SLX4IP: variants seen among roughly 807,000 people sequenced by gnomAD.
SLX4IP encodes the protein SLX4 interacting protein.
SLX4IP carries 34 observed loss-of-function variants against 32.9 expected under a neutral mutation model. The observed-to-expected ratio is 1.03, with a 90% CI of 0.79 to 1.38. SLX4IP has a LOEUF of 1.38. Among genes scored for constraint, SLX4IP ranks in the 40% most tolerant of loss-of-function variants. SLX4IP has a pLI of 0.00. For missense variants in SLX4IP, 444 were observed against 479.0 expected (o/e 0.93, Z 0.68); for synonymous variants, 172 against 171.7 (o/e 1.00, Z -0.01).
intron 4 of SLX4IP, among the ~76,000 whole-genome samples, chr20:10,589,743 A>T (rs2066684736): frequency 6.6e-6 from 1 of 152,172 alleles, no homozygotes; most frequent in African/African-American, 2.4e-5. Flanking sequence ...TCATCATATG[A>T]TTTCGTTTTT....
intron 4 of SLX4IP, among the ~76,000 whole-genome samples, chr20:10,561,776 T>C (rs1464287119): frequency 6.6e-6 from 1 of 152,214 alleles, no homozygotes; most frequent in African/African-American, 2.4e-5. Context: ...CCTGAGTTAC[T>C]TCACTTAGAA....
rs6040001 is a variant in SLX4IP at position 10,517,184 on chromosome 20, G to C, written c.28-39047G>C. ...TCTTACTGGTTCTTTGTTTCCATAG[G>C]TACCATACCAGAAAGACTGTCATCA... On this transcript the variant is annotated intron_variant, in intron 2 of 7. Transcript: ENST00000334534. 5.5e-4 allele frequency among the ~76,000 whole-genome samples: 83 copies of C among 151,646 alleles called. No homozygotes were observed. In the Middle Eastern group the frequency reaches 0.014, roughly 25 times the overall value.
chr20:10,592,484 T>C lies in SLX4IP; in HGVS notation c.239-6191T>C, dbSNP rs187661296. On this transcript the variant is annotated intron_variant, in intron 4 of 7. Transcript: ENST00000334534. ...GTTTGAAGTGACAGCATCAAACTCA[T>C]GATTTCCCTACCCTTTCTACCCTAG... Among the ~76,000 whole-genome samples, 5 of 152,236 alleles carry C rather than the reference T, an allele frequency of 3.3e-5. No individual in the cohort carries two copies. The East Asian group carries it at 9.7e-4, about 29-fold the overall frequency.
intron 1 of SLX4IP, among the ~76,000 whole-genome samples, chr20:10,451,962 C>T (rs1456026641): frequency 1.3e-5 from 2 of 151,790 alleles, no homozygotes; most frequent in Middle Eastern, 3.2e-3. Flanking sequence ...AGTGAGACAC[C>T]GTCTCAAAAA....
At chr20:10,438,260 G>A (rs1333382693) in intron 1 of SLX4IP, among the ~76,000 whole-genome samples, 1 of 151,178 alleles carries the variant, frequency 6.6e-6, no homozygotes, top group South Asian at 2.1e-4. Flanking sequence ...CTTTATTGAG[G>A]TATAACTGTT....
chr20:10,566,934 T>C (rs1036198952), intron 4 of SLX4IP, among the ~76,000 whole-genome samples: 8 of 152,134 alleles, frequency 5.3e-5, no homozygotes, highest in Non-Finnish European at 1.0e-4. Flanking sequence ...AGATAAGGCA[T>C]TGGCTCCTCT....
At chr20:10,467,835 A>G (rs1354025253) in intron 2 of SLX4IP, among the ~76,000 whole-genome samples, 2 of 152,176 alleles carry the variant, frequency 1.3e-5, no homozygotes, top group East Asian at 1.9e-4. Flanking sequence ...TTTGAAACAA[A>G]GTTCTTGGAC....
At chr20:10,478,119 G>A (rs674581) in intron 2 of SLX4IP, among the ~76,000 whole-genome samples, 31,295 of 151,776 alleles carry the variant, frequency 0.21, 3,668 homozygotes, top group Admixed American at 0.27. Flanking sequence ...GGCTGGTCTT[G>A]AACTCCTGAG....
Position 10,623,593 on chromosome 20 carries a change from A to G in SLX4IP, c.*214A>G, listed in dbSNP as rs1050796955. On this transcript the variant is annotated 3_prime_UTR_variant, in exon 8 of 8. Coordinates refer to ENST00000334534, the MANE Select transcript of SLX4IP (RefSeq NM_001009608.3). ...GTTCTAACAGCGTTGCTTCTTTATC[A>G]TTGTATTTTATGACTGTCTTCAGAG... 2 of 636,652 alleles carry G rather than the reference A, an allele frequency of 3.1e-6. No individual in the cohort carries two copies. The highest frequency in any genetic ancestry group is 5.2e-6 in the Non-Finnish European group (2 of 385,998). The allele number at this position is 636,652 out of a possible 1,614,324, so 39.4% of individuals were successfully genotyped here.
At chr20:10,620,485 CACAAACT>C (rs1486326761) in intron 6 of SLX4IP, among the ~76,000 whole-genome samples, 5 of 152,084 alleles carry the variant, frequency 3.3e-5, no homozygotes, top group Non-Finnish European at 7.4e-5. Context: ...AGCCAAGAAT[CACAAACT>C]ACAGTTTTCA....
At chr20:10,490,129 C>T (rs566863141) in intron 2 of SLX4IP, among the ~76,000 whole-genome samples, 7 of 152,012 alleles carry the variant, frequency 4.6e-5, no homozygotes, top group South Asian at 4.2e-4. Flanking sequence ...GAATCCCTAT[C>T]ATGCAAACCT....
At chr20:10,596,699 C>G (rs2066774623) in intron 4 of SLX4IP, among the ~76,000 whole-genome samples, 3 of 152,038 alleles carry the variant, frequency 2.0e-5, no homozygotes, top group African/African-American at 7.2e-5. Flanking sequence ...TAAATTAATA[C>G]TTGAAAAATA....
chr20:10,474,272 C>T (rs1216167317), intron 2 of SLX4IP, among the ~76,000 whole-genome samples: 17 of 152,188 alleles, frequency 1.1e-4, no homozygotes. Flanking sequence ...GTGTGCTGGT[C>T]TAACAATATT....
chr20:10,441,885 G>T (rs979891976), intron 1 of SLX4IP, among the ~76,000 whole-genome samples: 21 of 152,044 alleles, frequency 1.4e-4, no homozygotes, highest in Admixed American at 6.5e-5. Flanking sequence ...TTGGTCTTTT[G>T]TTAAGTTTGT....
intron 2 of SLX4IP, among the ~76,000 whole-genome samples, chr20:10,534,888 G>T (rs180805807): frequency 3.9e-5 from 6 of 152,178 alleles, no homozygotes; most frequent in East Asian, 1.9e-4. Flanking sequence ...GCAGAAGGGG[G>T]AGCTATTAAT....
At chr20:10,607,266 G>A (rs1009624882) in intron 6 of SLX4IP, among the ~76,000 whole-genome samples, 7 of 152,222 alleles carry the variant, frequency 4.6e-5, no homozygotes, top group South Asian at 2.1e-4. Flanking sequence ...GCTGGATTTC[G>A]CTGATGACAC....
chr20:10,460,487 T>C (rs1181076814), intron 2 of SLX4IP, among the ~76,000 whole-genome samples: 1 of 152,188 alleles, frequency 6.6e-6, no homozygotes, highest in African/African-American at 2.4e-5. Flanking sequence ...CTGGCTTTGG[T>C]TGGAATCATT....
intron 2 of SLX4IP, among the ~76,000 whole-genome samples, chr20:10,525,882 G>C (rs966397945): frequency 2.0e-5 from 3 of 151,894 alleles, no homozygotes. Flanking sequence ...TTCCTTTTTC[G>C]GTGGAACACA....
At chr20:10,463,430 AG>A (rs777493979) in intron 2 of SLX4IP, among the ~76,000 whole-genome samples, 160 of 152,184 alleles carry the variant, frequency 1.1e-3, no homozygotes, top group Non-Finnish European at 1.8e-3. Context: ...TGAGAGGAGG[AG>A]GGGAGGAGGT....
Sources: allele counts gnomAD v4.1 joint callset (sites outside exome capture counted in the v4.1 genomes callset), GRCh38; gene constraint gnomAD v4.1.1; transcripts MANE v1.5; gene names NCBI Gene and HGNC (gene_info 2026-07-23, HGNC 2026-07-21).